LOC112694756: variants seen among roughly 807,000 people sequenced by gnomAD.
At chr16:30,057,135 C>T in the LOC112694756 span, among the ~76,000 whole-genome samples, 7 of 152,146 alleles carry the variant, frequency 4.6e-5, no homozygotes, top group East Asian at 1.4e-3. Context: ...GTCTCGAACT[C>T]CCGACCTCAG....
chr16:30,053,494 A>G, the LOC112694756 span: 2 of 152,932 alleles, frequency 1.3e-5, no homozygotes, highest in Non-Finnish European at 2.9e-5. Flanking sequence ...GCCCTTCCCC[A>G]TGGACGTAAG....
the LOC112694756 span, among the ~76,000 whole-genome samples, chr16:30,066,465 T>C: frequency 6.6e-6 from 1 of 152,244 alleles, no homozygotes; most frequent in African/African-American, 2.4e-5. Flanking sequence ...GGAAGGCGCT[T>C]GCTCCTCCAC....
the LOC112694756 span, chr16:30,070,022 G>A: frequency 4.3e-6 from 7 of 1,613,668 alleles, no homozygotes; most frequent in Admixed American, 3.3e-5. Flanking sequence ...TATGTCAAGC[G>A]AGCCCTGGTA....
the LOC112694756 span, among the ~76,000 whole-genome samples, chr16:30,059,502 A>T: frequency 2.6e-5 from 4 of 151,086 alleles, no homozygotes; most frequent in South Asian, 2.1e-4. Context: ...CCGTCTCAAA[A>T]AATAATAATA....
the LOC112694756 span, among the ~76,000 whole-genome samples, chr16:30,056,105 G>GTTTT: frequency 1.8e-4 from 21 of 119,546 alleles, no homozygotes; most frequent in South Asian, 2.8e-4. Flanking sequence ...CCCAGCCATG[G>GTTTT]TTTTTTTTTT....
chr16:30,060,396 T>C, the LOC112694756 span, among the ~76,000 whole-genome samples: 2 of 152,062 alleles, frequency 1.3e-5, no homozygotes, highest in Admixed American at 1.3e-4. Context: ...ATCTATACGA[T>C]GATGGCTGGC....
At chr16:30,063,900 C>T in the LOC112694756 span, 3 of 398,968 alleles carry the variant, frequency 7.5e-6, no homozygotes, top group African/African-American at 6.2e-5. Context: ...ATGTGCCCTC[C>T]TCCCTGAAGA....
At chr16:30,056,858 C>T in the LOC112694756 span, among the ~76,000 whole-genome samples, 2 of 152,052 alleles carry the variant, frequency 1.3e-5, no homozygotes, top group Non-Finnish European at 2.9e-5. Flanking sequence ...TCCTCAGCCT[C>T]CCAAAGTGCT....
the LOC112694756 span, chr16:30,064,474 A>C: frequency 2.5e-6 from 1 of 398,520 alleles, no homozygotes; most frequent in South Asian, 1.3e-4. Context: ...CTCCGTCTGG[A>C]TTTCCAAGGA....
At chr16:30,055,191 A>C in the LOC112694756 span, 1 of 399,152 alleles carries the variant, frequency 2.5e-6, no homozygotes. Context: ...TGCTGCGCGG[A>C]CGGTAGCTCC....
the LOC112694756 span, among the ~76,000 whole-genome samples, chr16:30,055,708 C>T: frequency 6.6e-6 from 1 of 152,104 alleles, no homozygotes; most frequent in African/African-American, 2.4e-5. Context: ...TTTGTTTTTC[C>T]CAACAACCCT....
chr16:30,054,809 C>A, the LOC112694756 span: 3 of 399,308 alleles, frequency 7.5e-6, no homozygotes, highest in Non-Finnish European at 8.8e-6. Flanking sequence ...TGGAATCCAA[C>A]CCCGGCTCCT....
chr16:30,066,864 C>A, the LOC112694756 span: 5 of 1,544,918 alleles, frequency 3.2e-6, no homozygotes, highest in African/African-American at 2.7e-5. Context: ...CTAAAATACT[C>A]CGGTTCGGTT....
the LOC112694756 span, chr16:30,067,344 C>T: frequency 1.9e-6 from 3 of 1,613,976 alleles, no homozygotes; most frequent in Admixed American, 5.0e-5. Context: ...GCAAGGGCAT[C>T]CTGGCTGCAG....
the LOC112694756 span, among the ~76,000 whole-genome samples, chr16:30,059,618 G>A: frequency 6.7e-6 from 1 of 148,366 alleles, no homozygotes; most frequent in African/African-American, 2.5e-5. Flanking sequence ...GCTGGAATGC[G>A]GTGGCGTAAT....
chr16:30,070,173 T>G, the LOC112694756 span: 2 of 1,614,020 alleles, frequency 1.2e-6, no homozygotes, highest in Non-Finnish European at 1.7e-6. Context: ...CTGGGGCTGC[T>G]GCCAGCGAGT....
the LOC112694756 span, chr16:30,068,570 T>G: frequency 1.3e-6 from 2 of 1,525,804 alleles, no homozygotes; most frequent in Non-Finnish European, 1.8e-6. Context: ...ACCACTGTAC[T>G]CCAGCCGGGG....
chr16:30,059,208 C>G, the LOC112694756 span, among the ~76,000 whole-genome samples: 790 of 152,174 alleles, frequency 5.2e-3, 4 homozygotes, highest in African/African-American at 0.018. Context: ...AAGAATAGCT[C>G]TCTTTCAGGC....
At chr16:30,064,072 G>A in the LOC112694756 span, 1 of 399,448 alleles carries the variant, frequency 2.5e-6, no homozygotes, top group African/African-American at 2.0e-5. Context: ...TAGTGCTCGG[G>A]CAGGTGCCCT....
Sources: gnomAD v4.1 joint callset for allele counts (sites outside exome capture counted in the v4.1 genomes callset) on GRCh38, gnomAD v4.1.1 for gene constraint, MANE v1.5 for transcripts.